GABRA2: variants seen among roughly 807,000 people sequenced by gnomAD.
The protein encoded by GABRA2 is gamma-aminobutyric acid receptor subunit alpha-2.
In GABRA2, 16 loss-of-function variants were observed where a neutral mutation model predicts 48.7. The ratio of observed to expected loss-of-function variants is 0.33; its 90% CI spans 0.22 to 0.50. GABRA2 has a LOEUF of 0.50. Among genes scored for constraint, GABRA2 ranks in the 20% least tolerant of loss-of-function variants. The pLI is 0.98. For synonymous variants in GABRA2, 185 were observed against 184.5 expected (o/e 1.00, Z -0.02); for missense variants, 275 against 535.6 (o/e 0.51, Z 4.80).
chr4:46,277,788 G>A (rs1024786597), intron 8 of GABRA2, among the ~76,000 whole-genome samples: 1 of 152,188 alleles, frequency 6.6e-6, no homozygotes, highest in African/African-American at 2.4e-5. Flanking sequence ...GCAAGCTAGA[G>A]AGCACGTCTA....
At chr4:46,305,498 C>A in intron 7 of GABRA2, 70 bp downstream of exon 7, 1 of 1,399,820 alleles carries the variant, frequency 7.1e-7, no homozygotes, top group South Asian at 1.3e-5. Context: ...AGCAATCTGA[C>A]ACACTTCCAA....
intron 3 of GABRA2, among the ~76,000 whole-genome samples, chr4:46,358,720 A>G (rs555327104): frequency 6.6e-6 from 1 of 152,302 alleles, no homozygotes; most frequent in South Asian, 2.1e-4. Flanking sequence ...CTCTGATGCA[A>G]TTAATCTAGG....
chr4:46,283,237 G>A (rs992120617), intron 8 of GABRA2, among the ~76,000 whole-genome samples: 3 of 152,160 alleles, frequency 2.0e-5, no homozygotes, highest in Admixed American at 6.5e-5. Context: ...CATCTGGAAA[G>A]CTCATTTTAT....
rs200469940 is a variant in GABRA2, at chr4:46,382,007, G to T, written c.187+4067C>A. Among the ~76,000 whole-genome samples the T allele has an allele frequency of 2.2e-4, 33 of 152,236 alleles. No homozygotes were observed. The East Asian group carries it at 2.7e-3, about 12-fold the overall frequency. On this transcript the variant is annotated intron_variant, in intron 3 of 9. Transcript: ENST00000381620. Reference sequence around the variant, plus strand: ...TGGAAAGTCATTCAAGAGATATTTTGTTGAGTGCTTACTATGTGCCAGGCA... The same window carrying T: ...TGGAAAGTCATTCAAGAGATATTTTTTTGAGTGCTTACTATGTGCCAGGCA...
chr4:46,298,299 G>C (rs1725122133), intron 8 of GABRA2, among the ~76,000 whole-genome samples: 1 of 151,730 alleles, frequency 6.6e-6, no homozygotes, highest in African/African-American at 2.4e-5. Context: ...TTTTGTAGTT[G>C]TGCTCATCTT....
At chr4:46,256,028 C>G (rs1290649146) in intron 9 of GABRA2, among the ~76,000 whole-genome samples, 1 of 151,526 alleles carries the variant, frequency 6.6e-6, no homozygotes, top group Non-Finnish European at 1.5e-5. Context: ...AAAATCAGGT[C>G]TCCAAAGGGC....
At chr4:46,380,222 TTA>T (rs1489211144) in intron 3 of GABRA2, among the ~76,000 whole-genome samples, 1 of 152,230 alleles carries the variant, frequency 6.6e-6, no homozygotes, top group Non-Finnish European at 1.5e-5. Context: ...TGCCAAATTT[TTA>T]TATGTCATGA....
chr4:46,382,177 T>TACAC (rs36024364), intron 3 of GABRA2, among the ~76,000 whole-genome samples: 4 of 140,780 alleles, frequency 2.8e-5, no homozygotes, highest in Non-Finnish European at 4.7e-5. Context: ...TACACAAACA[T>TACAC]ACACACACAC....
chr4:46,327,938 A>G (rs556011875), intron 4 of GABRA2, among the ~76,000 whole-genome samples: 23 of 152,152 alleles, frequency 1.5e-4, no homozygotes, highest in African/African-American at 4.6e-4. Context: ...GTCTAGGTTT[A>G]GGTTAAATAA....
At chr4:46,352,845 G>A (rs77350211) in intron 3 of GABRA2, among the ~76,000 whole-genome samples, 2,564 of 152,182 alleles carry the variant, frequency 0.017, 33 homozygotes, top group Non-Finnish European at 0.024. Flanking sequence ...ATCAGACAAT[G>A]TAATGGGAGG....
At position 46,389,912 on chromosome 4, in the gene GABRA2, C is replaced by T. The variant is rs1178748832; in HGVS notation, c.-188G>A. 1.0e-6 allele frequency: 1 copy of T among 979,610 alleles called. No homozygotes were observed. Among genetic ancestry groups the T allele is most frequent in the Non-Finnish European group, 1.2e-6 (1 of 830,270 alleles). The allele number at this position is 979,610 out of a possible 1,614,324, so 60.7% of individuals were successfully genotyped here. On this transcript the variant is annotated 5_prime_UTR_variant, in exon 1 of 10. Transcript: ENST00000381620. The stretch of plus-strand genomic sequence containing the variant: ...CGTGGAGCGATGGGCTGGTGGAAGC[C>T]GGAGAGGAGCGCTAGGAGCCGCGGC...
At chr4:46,272,767 A>G (rs1344619271) in intron 8 of GABRA2, among the ~76,000 whole-genome samples, 1 of 152,034 alleles carries the variant, frequency 6.6e-6, no homozygotes, top group African/African-American at 2.4e-5. Context: ...ACAGAAGGCT[A>G]CAAGGCAGGA....
intron 4 of GABRA2, among the ~76,000 whole-genome samples, chr4:46,329,653 A>G (rs190715): frequency 0.53 from 80,154 of 151,948 alleles, 21,867 homozygotes; most frequent in African/African-American, 0.67. Context: ...ATTCTCTATC[A>G]CTTGAAATCT....
At chr4:46,290,279 T>C (rs1356806163) in intron 8 of GABRA2, among the ~76,000 whole-genome samples, 1 of 151,968 alleles carries the variant, frequency 6.6e-6, no homozygotes, top group Non-Finnish European at 1.5e-5. Context: ...CATATAAATT[T>C]GAGAACTAGT....
intron 6 of GABRA2, among the ~76,000 whole-genome samples, chr4:46,307,394 G>A (rs757689343): frequency 4.7e-5 from 7 of 150,298 alleles, no homozygotes; most frequent in South Asian, 2.1e-4. Context: ...TCTACTTTAC[G>A]TTGGAAGGGC....
intron 8 of GABRA2, among the ~76,000 whole-genome samples, chr4:46,297,829 GTTAT>G (rs1198540457): frequency 1.3e-5 from 2 of 151,658 alleles, no homozygotes; most frequent in Non-Finnish European, 2.9e-5. Flanking sequence ...CCTTTAGAGT[GTTAT>G]TTGAGATCTT....
chr4:46,328,584 T>C (rs1730794841), intron 4 of GABRA2, among the ~76,000 whole-genome samples: 1 of 151,066 alleles, frequency 6.6e-6, no homozygotes, highest in South Asian at 2.1e-4. Flanking sequence ...CTTTGACTTG[T>C]GGGTAATAAT....
chr4:46,328,382 T>A (rs1252108393), intron 4 of GABRA2, among the ~76,000 whole-genome samples: 1 of 151,974 alleles, frequency 6.6e-6, no homozygotes, highest in Admixed American at 6.6e-5. Context: ...CAGGCTAATG[T>A]CATAACAAAT....
chr4:46,336,643 A>G (rs1732280347), intron 3 of GABRA2, among the ~76,000 whole-genome samples: 1 of 152,220 alleles, frequency 6.6e-6, no homozygotes, highest in Admixed American at 6.5e-5. Flanking sequence ...TAAGTAATGC[A>G]TGTGGCATAC....
Sources: allele counts gnomAD v4.1 joint callset (sites outside exome capture counted in the v4.1 genomes callset), GRCh38; gene constraint gnomAD v4.1.1; transcripts MANE v1.5; gene names NCBI Gene and HGNC (gene_info 2026-07-23, HGNC 2026-07-21).